Variants in LYZL2 observed in about 807,000 individuals in gnomAD.
LYZL2 encodes lysozyme like 2, also known as lysozyme-like protein 2.
Under a neutral mutation model 17.1 loss-of-function variants are expected in LYZL2, and 13 were observed. The observed-to-expected ratio is 0.76, with a 90% confidence interval of 0.49 to 1.21. The LOEUF (loss-of-function observed/expected upper bound fraction) is 1.21, where lower values mean the gene tolerates loss of function less well. Ranked by LOEUF, LYZL2 falls within the 50% of genes most tolerant of loss-of-function variation. LYZL2 has a pLI of 0.00. For synonymous variants in LYZL2, 63 were observed against 74.4 expected (o/e 0.85, Z 0.79); for missense variants, 166 against 189.2 (o/e 0.88, Z 0.72).
chr10:30,613,500 A>G (rs1241544013), intron 3 of LYZL2, among the ~76,000 whole-genome samples: 1 of 78,138 alleles, frequency 1.3e-5, no homozygotes, highest in Non-Finnish European at 2.6e-5. Flanking sequence ...CTGTCTTAAG[A>G]AAAAAAAAAA....
chr10:30,617,144 A>G (rs1483719901), intron 3 of LYZL2, among the ~76,000 whole-genome samples: 2 of 152,174 alleles, frequency 1.3e-5, no homozygotes, highest in East Asian at 1.9e-4. Flanking sequence ...ATCACATTCT[A>G]TTATTCTGGG....
chr10:30,609,168 T>A (rs912687352), downstream of LYZL2, among the ~76,000 whole-genome samples: 5 of 152,322 alleles, frequency 3.3e-5, no homozygotes, highest in Admixed American at 1.3e-4. Flanking sequence ...TGTTAACTAT[T>A]ATGTGTTTAG....
chr10:30,619,378 G>A (rs1053008967), intron 3 of LYZL2, among the ~76,000 whole-genome samples: 9 of 152,102 alleles, frequency 5.9e-5, no homozygotes, highest in Admixed American at 2.0e-4. Context: ...ACATGCACAC[G>A]TATGTTTATT....
intron 3 of LYZL2, among the ~76,000 whole-genome samples, chr10:30,623,111 C>G (rs1564409391): frequency 6.6e-6 from 1 of 152,100 alleles, no homozygotes; most frequent in Admixed American, 6.5e-5. Flanking sequence ...GACATAACAA[C>G]CCTCAAAGAA....
intron 1 of LYZL2, among the ~76,000 whole-genome samples, chr10:30,627,363 C>T (rs971813626): frequency 3.3e-5 from 5 of 151,780 alleles, no homozygotes; most frequent in African/African-American, 1.2e-4. Flanking sequence ...TTTTCTTCTG[C>T]CTCTGCCACC....
the LYZL2 span, among the ~76,000 whole-genome samples, chr10:30,606,550 G>C: frequency 6.6e-6 from 1 of 152,010 alleles, no homozygotes; most frequent in South Asian, 2.1e-4. Context: ...TAAAAGCCTG[G>C]TTTGTGCCAT....
In LYZL2 at chr10:30,612,886, C is replaced by T. The variant is rs745492253; in HGVS notation, c.313G>A (p.Asp105Asn). The change falls in exon 4 of 5, where the codon GAC (aspartate) becomes AAC (asparagine). Residue 105 changes from aspartate to asparagine, a missense_variant. Physicochemically the swap from Asp to Asn is conservative, Grantham distance 23. This residue lies in a region of LYZL2 where 134 missense variants were observed against 129.4 expected (regional missense o/e 1.04). Transcript: ENST00000647634. ...GCACAGATAATCGCATCTGTGAGGTCATCAGTGACCAAGGCTGTAAAAAGA... is the reference window on the plus strand; with the variant it reads ...GCACAGATAATCGCATCTGTGAGGTTATCAGTGACCAAGGCTGTAAAAAGA... ...HVACSALVTDDLTDAIICAKK... is the reference protein window; with the variant it reads ...HVACSALVTDNLTDAIICAKK... 1 of 1,613,852 alleles carries T rather than the reference C, an allele frequency of 6.2e-7. No individual in the cohort carries two copies. Among genetic ancestry groups the T allele is most frequent in the Non-Finnish European group, 8.5e-7 (1 of 1,179,762 alleles).
At chr10:30,610,483 A>G (rs539102256), downstream of LYZL2, among the ~76,000 whole-genome samples, 13 of 152,320 alleles carry the variant, frequency 8.5e-5, no homozygotes, top group South Asian at 2.3e-3. Flanking sequence ...CATAAGTGGG[A>G]GTTGAACAAT....
chr10:30,620,778 A>T (rs1838606923), intron 3 of LYZL2, among the ~76,000 whole-genome samples: 1 of 152,222 alleles, frequency 6.6e-6, no homozygotes, highest in African/African-American at 2.4e-5. Flanking sequence ...GAATAAAATG[A>T]AATGAAAGAA....
chr10:30,607,025 C>T (rs540101730), downstream of LYZL2, among the ~76,000 whole-genome samples: 2 of 151,432 alleles, frequency 1.3e-5, no homozygotes, highest in African/African-American at 4.9e-5. Flanking sequence ...ATTCTCCTGC[C>T]TCAGCCTCCT....
chr10:30,615,255 A>G (rs940231763), intron 3 of LYZL2, among the ~76,000 whole-genome samples: 1 of 152,248 alleles, frequency 6.6e-6, no homozygotes, highest in Non-Finnish European at 1.5e-5. Context: ...GAACGGAAGG[A>G]CGTCATGCTA....
At chr10:30,614,714 T>C (rs1318244253) in intron 3 of LYZL2, among the ~76,000 whole-genome samples, 1 of 152,166 alleles carries the variant, frequency 6.6e-6, no homozygotes, top group Non-Finnish European at 1.5e-5. Flanking sequence ...CTCTGGATAC[T>C]TGCTGGTGGG....
the LYZL2 span, among the ~76,000 whole-genome samples, chr10:30,606,699 A>G: frequency 1.3e-5 from 2 of 152,024 alleles, no homozygotes; most frequent in African/African-American, 4.8e-5. Flanking sequence ...GGTGGGCTTA[A>G]CTTAACTCTG....
intron 3 of LYZL2, among the ~76,000 whole-genome samples, chr10:30,622,807 G>T (rs1346312158): frequency 2.6e-5 from 4 of 152,110 alleles, no homozygotes; most frequent in African/African-American, 9.7e-5. Context: ...GGCCCTTTAG[G>T]CAAACATTTG....
At chr10:30,627,187 A>G (rs554794452) in intron 1 of LYZL2, among the ~76,000 whole-genome samples, 1 of 152,310 alleles carries the variant, frequency 6.6e-6, no homozygotes, top group South Asian at 2.1e-4. Context: ...AAGTGAAAAA[A>G]TTAACCTTCC....
At chr10:30,611,696 G>A (rs1838444611), downstream of LYZL2, 3 of 392,056 alleles carry the variant, frequency 7.7e-6, no homozygotes, top group East Asian at 1.4e-4. Context: ...AGGAAAGAAA[G>A]AAAGAAAAAG....
At chr10:30,624,768 G>T (rs1745823157) in intron 3 of LYZL2, among the ~76,000 whole-genome samples, 1 of 152,174 alleles carries the variant, frequency 6.6e-6, no homozygotes, top group South Asian at 2.1e-4. Context: ...TTGAACTCCT[G>T]GCCTAAGGTG....
chr10:30,623,710 A>T (rs954725957), intron 3 of LYZL2, among the ~76,000 whole-genome samples: 5 of 152,030 alleles, frequency 3.3e-5, no homozygotes, highest in African/African-American at 1.2e-4. Flanking sequence ...TAAGCCCAGG[A>T]CTCCCACTGA....
At position 30,611,936 on chromosome 10, in the gene LYZL2, T is replaced by A. The variant is rs750269154; in HGVS notation, c.*19A>T. ...AACCCTAGGGCGTTGCTGCAAAGCA[T>A]CCTGGGTCCAGTTCCAGTTTAGGAA... On this transcript the variant is annotated 3_prime_UTR_variant, in exon 5 of 5. Coordinates refer to ENST00000647634, the MANE Select transcript of LYZL2 (RefSeq NM_183058.3). 2 of 1,614,094 alleles carry A rather than the reference T, an allele frequency of 1.2e-6. No homozygotes were observed. Among genetic ancestry groups the A allele is most frequent in the Non-Finnish European group, 1.7e-6 (2 of 1,180,046 alleles).
Sources: allele counts gnomAD v4.1 joint callset (sites outside exome capture counted in the v4.1 genomes callset), GRCh38; gene constraint gnomAD v4.1.1; regional missense constraint gnomAD v4.1.1; transcripts MANE v1.5; gene names NCBI Gene and HGNC (gene_info 2026-07-23, HGNC 2026-07-21).